Variants in PLA1A observed in about 807,000 individuals in gnomAD.
PLA1A encodes the protein phospholipase A1 member A.
PLA1A carries 47 observed loss-of-function variants against 49.4 expected under a neutral mutation model. That is an observed-to-expected ratio of 0.95 (90% CI 0.75 to 1.21). The LOEUF is 1.21. PLA1A is among the 50% of genes most tolerant of loss of function. The pLI, the probability that PLA1A is intolerant of heterozygous loss-of-function variation, is 0.00. For missense variants in PLA1A, 561 were observed against 563.9 expected (o/e 0.99, Z 0.05); for synonymous variants, 224 against 207.9 (o/e 1.08, Z -0.67).
Position 119,613,245 on chromosome 3 carries a change from A to G in PLA1A, c.664+127A>G, listed in dbSNP as rs1577144930. ...TCTCTGAGCTTCTGTTGCACAGTGAAGAGTTTACCAAAATGCTATTGAAAG... is the reference window on the plus strand; with the variant it reads ...TCTCTGAGCTTCTGTTGCACAGTGAGGAGTTTACCAAAATGCTATTGAAAG... On this transcript the variant is annotated intron_variant, in intron 5 of 10. Coordinates refer to ENST00000273371, the MANE Select transcript of PLA1A (RefSeq NM_015900.4). 4 of 599,470 alleles carry G rather than the reference A, an allele frequency of 6.7e-6. No homozygotes were observed. In the East Asian group the frequency reaches 1.2e-4, roughly 18 times the overall value. The allele number at this position is 599,470 out of a possible 1,614,324, so 37.1% of individuals were successfully genotyped here.
rs753672314 is a variant in PLA1A at position 119,613,100 on chromosome 3, A to T, written c.646A>T (p.Ile216Phe). Residue 216 changes from isoleucine to phenylalanine, a missense_variant, in exon 5 of 11, where the codon ATC becomes TTC. Transcript: ENST00000273371. ...DAGDALFVEAIHTDTDNLGIR... is the reference protein window; with the variant it reads ...DAGDALFVEAFHTDTDNLGIR... ...TGGAGATGCCCTCTTCGTGGAAGCC[A>T]TCCACACAGACACCGACAGTGAGCT... 1.2e-6 allele frequency: 2 copies of T among 1,606,864 alleles called. No individual in the cohort carries two copies. Among genetic ancestry groups the T allele is most frequent in the Non-Finnish European group, 1.7e-6 (2 of 1,176,250 alleles).
At chr3:119,614,605 CAAAA>C (rs57980425) in intron 5 of PLA1A, among the ~76,000 whole-genome samples, 1,038 of 67,998 alleles carry the variant, frequency 0.015, 12 homozygotes, top group African/African-American at 0.044. Context: ...GACTTCGTCT[CAAAA>C]AAAAAAAAAA....
chr3:119,599,688 T>G (rs2082589246), intron 1 of PLA1A, among the ~76,000 whole-genome samples: 1 of 152,172 alleles, frequency 6.6e-6, no homozygotes, highest in Admixed American at 6.5e-5. Context: ...TCATTCTAGA[T>G]GCTCTGGGCA....
At position 119,629,379 on chromosome 3, in the gene PLA1A, T is replaced by G; in HGVS notation, c.1287-5T>G. ...CACTGCTCTCTTATTGCTCTTCTCT[T>G]CCAGAGAAAAGATGGTCTGCTTACC... On this transcript the variant is annotated splice_polypyrimidine_tract_variant and splice_region_variant and intron_variant, in intron 10 of 10. Transcript: ENST00000273371. 1 of 1,575,294 alleles carries G rather than the reference T, an allele frequency of 6.3e-7. No individual in the cohort carries two copies. The highest frequency in any genetic ancestry group is 8.7e-7 in the Non-Finnish European group (1 of 1,144,530).
intron 9 of PLA1A, among the ~76,000 whole-genome samples, chr3:119,627,074 G>A (rs1437178670): frequency 6.7e-6 from 1 of 150,080 alleles, no homozygotes; most frequent in Non-Finnish European, 1.5e-5. Context: ...ATCACATCAG[G>A]GTCTCTGGGC....
intron 9 of PLA1A, among the ~76,000 whole-genome samples, chr3:119,625,886 G>A (rs867697106): frequency 1.8e-4 from 28 of 152,168 alleles, no homozygotes; most frequent in African/African-American, 6.8e-4. Context: ...CAGGGGATAG[G>A]AAGTCAGCAG....
chr3:119,617,829 A>G (rs2082871017), intron 6 of PLA1A, among the ~76,000 whole-genome samples, 190 bp from the exon 7 acceptor site: 1 of 152,216 alleles, frequency 6.6e-6, no homozygotes, highest in Non-Finnish European at 1.5e-5. Context: ...TATGTATCTC[A>G]GGAAAAGTAA....
chr3:119,621,791 ATCCAGGCC>A (rs1319871974), intron 8 of PLA1A, among the ~76,000 whole-genome samples: 4 of 152,194 alleles, frequency 2.6e-5, no homozygotes, highest in African/African-American at 9.6e-5. Flanking sequence ...TGGGCCTTGG[ATCCAGGCC>A]TCCTGACCAA....
In PLA1A at chr3:119,606,872, C is replaced by A; in HGVS notation, c.172C>A (p.Pro58Thr). The A allele has an allele frequency of 1.2e-6, 2 of 1,614,102 alleles. No homozygotes were observed. Among genetic ancestry groups the A allele is most frequent in the Non-Finnish European group, 1.7e-6 (2 of 1,179,964 alleles). Residue 58 changes from proline (P) to threonine (T), a missense_variant, in exon 2 of 11, where the codon CCT becomes ACT. By Grantham distance (38) the Pro-to-Thr change is conservative (BLOSUM62 -1). Transcript: ENST00000273371. ...DLKVQFLLFV[P>T]SNPSCGQLVE... ...CAAAGTCCAGTTTCTCCTCTTTGTC[C>A]CTTCGAATCCTAGCTGTGGGCAGCT...
In PLA1A at chr3:119,615,054, A is replaced by C. The variant is rs189778428; in HGVS notation, c.665-958A>C. Among the ~76,000 whole-genome samples, 5 of 152,322 alleles carry C rather than the reference A, an allele frequency of 3.3e-5. No homozygotes were observed. In the South Asian group the frequency reaches 6.2e-4, roughly 19 times the overall value. ...CATGATGGGCTGCATGTGGGGTATG[A>C]GGGAAAGGCAAGACTCAAGGATGGC... On this transcript the variant is annotated intron_variant, in intron 5 of 10. Coordinates refer to ENST00000273371, the MANE Select transcript of PLA1A (RefSeq NM_015900.4).
At chr3:119,607,203 C>G in intron 2 of PLA1A, 1 of 550,364 alleles carries the variant, frequency 1.8e-6, no homozygotes. Context: ...TCTACACACT[C>G]ACGAACAGTA....
chr3:119,629,253 A>C, intron 10 of PLA1A, 131 bp from the exon 11 acceptor site: 1 of 696,680 alleles, frequency 1.4e-6, no homozygotes, highest in Non-Finnish European at 2.6e-6. Flanking sequence ...CACTTGGACC[A>C]CAGGAACTGG....
chr3:119,625,320 C>T (rs559915963), intron 9 of PLA1A, 88 bp downstream of exon 9: 173 of 842,550 alleles, frequency 2.1e-4, no homozygotes, highest in Non-Finnish European at 3.2e-4. Flanking sequence ...AGGTCAGGGA[C>T]TGTGTGATTG....
At chr3:119,614,416 A>G (rs1270829615) in intron 5 of PLA1A, among the ~76,000 whole-genome samples, 6 of 152,056 alleles carry the variant, frequency 3.9e-5, no homozygotes, top group African/African-American at 1.2e-4. Context: ...ATCTGGGCTA[A>G]CAAAGTGAAA....
chr3:119,613,221 C>G, intron 5 of PLA1A, 103 bp downstream of exon 5: 1 of 692,492 alleles, frequency 1.4e-6, no homozygotes, highest in Non-Finnish European at 2.5e-6. Flanking sequence ...CCCTGACCCT[C>G]TCTGAGCTTC....
chr3:119,625,709 G>A (rs149363228), intron 9 of PLA1A, among the ~76,000 whole-genome samples: 12 of 152,316 alleles, frequency 7.9e-5, no homozygotes, highest in East Asian at 1.9e-4. Context: ...AACGGAGTGC[G>A]AGCTGAGGGC....
intron 8 of PLA1A, among the ~76,000 whole-genome samples, chr3:119,622,186 G>A (rs1020661076): frequency 2.9e-4 from 13 of 45,612 alleles, no homozygotes; most frequent in African/African-American, 6.5e-4. Context: ...AGAAGAAGAA[G>A]AAGAAGAAGA....
At chr3:119,607,128 T>A in intron 2 of PLA1A, 153 bp downstream of exon 2, 1 of 651,022 alleles carries the variant, frequency 1.5e-6, no homozygotes. Flanking sequence ...TGGGGTCTCA[T>A]GTCAACATGC....
At position 119,618,050 on chromosome 3, in the gene PLA1A, G is replaced by A; in HGVS notation, c.786G>A (p.Arg262=). 6.2e-7 allele frequency: 1 copy of A among 1,613,938 alleles called. No individual in the cohort carries two copies. Among genetic ancestry groups the A allele is most frequent in the South Asian group, 1.1e-5 (1 of 91,040 alleles). ...GTTATCTGATCTGTGATCACATGAG[G>A]GCTGTGCACCTCTACATCAGCGCCC... ...GYSYLICDHM[R]AVHLYISALE... The change falls in exon 7 of 11, where the codon AGG becomes AGA. Residue 262 remains arginine, a synonymous_variant. Transcript: ENST00000273371.
Sources: gnomAD v4.1 joint callset for allele counts (sites outside exome capture counted in the v4.1 genomes callset) on GRCh38, gnomAD v4.1.1 for gene constraint, MANE v1.5 for transcripts, NCBI Gene and HGNC (gene_info 2026-07-23, HGNC 2026-07-21) for gene names.